AOAH: variants seen among roughly 807,000 people sequenced by gnomAD.
AOAH encodes the protein acyloxyacyl hydrolase (neutrophil).
In AOAH, 64 loss-of-function variants were observed where a neutral mutation model predicts 92.2. That is an observed-to-expected ratio of 0.69 (90% CI 0.57 to 0.86). The LOEUF is 0.86. AOAH is among the 40% of genes least tolerant of loss of function. The pLI is 0.00. For synonymous variants in AOAH, 263 were observed against 254.5 expected (o/e 1.03, Z -0.32); for missense variants, 656 against 694.6 (o/e 0.94, Z 0.62).
intron 3 of AOAH, among the ~76,000 whole-genome samples, chr7:36,662,386 G>A (rs1443984851): frequency 6.6e-6 from 1 of 152,246 alleles, no homozygotes; most frequent in African/African-American, 2.4e-5. Flanking sequence ...CAGGGGGTAA[G>A]ACTGCAACTA....
chr7:36,537,968 C>T (rs1401769624), intron 16 of AOAH, among the ~76,000 whole-genome samples: 1 of 151,068 alleles, frequency 6.6e-6, no homozygotes, highest in Admixed American at 6.6e-5. Context: ...CAGTCCTTTC[C>T]AAATTGCGTG....
chr7:36,667,406 C>T (rs1215213555), intron 3 of AOAH, among the ~76,000 whole-genome samples: 3 of 152,150 alleles, frequency 2.0e-5, no homozygotes, highest in African/African-American at 7.2e-5. Flanking sequence ...GTTCAAGTAA[C>T]CCTTATTTTA....
intron 13 of AOAH, among the ~76,000 whole-genome samples, chr7:36,573,932 C>T (rs1466529112): frequency 6.6e-6 from 1 of 151,996 alleles, no homozygotes; most frequent in Admixed American, 6.6e-5. Flanking sequence ...TCAGTGTAGC[C>T]CCATAAATAT....
intron 12 of AOAH, among the ~76,000 whole-genome samples, chr7:36,593,212 A>G (rs1001554079): frequency 5.3e-5 from 8 of 152,236 alleles, no homozygotes; most frequent in Non-Finnish European, 1.0e-4. Context: ...AGATGGGACA[A>G]GCCCTATCTA....
intron 12 of AOAH, among the ~76,000 whole-genome samples, chr7:36,592,583 C>T (rs1338409202): frequency 6.6e-6 from 1 of 152,186 alleles, no homozygotes; most frequent in East Asian, 1.9e-4. Flanking sequence ...GAGGCAAGAA[C>T]ATATCTTTGT....
At chr7:36,560,221 T>G (rs939172608) in intron 13 of AOAH, among the ~76,000 whole-genome samples, 2 of 152,256 alleles carry the variant, frequency 1.3e-5, no homozygotes, top group African/African-American at 2.4e-5. Flanking sequence ...TCAGGCTTTT[T>G]TTTGGTTCCA....
At chr7:36,571,810 CTTATTA>C (rs906800481) in intron 13 of AOAH, among the ~76,000 whole-genome samples, 1 of 152,100 alleles carries the variant, frequency 6.6e-6, no homozygotes, top group African/African-American at 2.4e-5. Context: ...AGCCACAGGC[CTTATTA>C]TTATTAACAT....
At chr7:36,628,865 C>T (rs1196676641) in intron 6 of AOAH, among the ~76,000 whole-genome samples, 1 of 152,216 alleles carries the variant, frequency 6.6e-6, no homozygotes, top group Non-Finnish European at 1.5e-5. Context: ...TTAAAACCTA[C>T]TTGTTCCTCT....
At chr7:36,647,896 T>C (rs1358045878) in intron 4 of AOAH, among the ~76,000 whole-genome samples, 1 of 151,856 alleles carries the variant, frequency 6.6e-6, no homozygotes, top group East Asian at 1.9e-4. Flanking sequence ...AGTGGCGTTA[T>C]CTTGGCTCAC....
At chr7:36,660,677 G>A (rs17403556) in intron 3 of AOAH, among the ~76,000 whole-genome samples, 21,533 of 152,098 alleles carry the variant, frequency 0.14, 1,873 homozygotes, top group Non-Finnish European at 0.19. Context: ...TGTTTCCCTG[G>A]GGATGGTATA....
intron 1 of AOAH, among the ~76,000 whole-genome samples, chr7:36,719,177 T>A (rs1302553602): frequency 6.6e-6 from 1 of 152,222 alleles, no homozygotes; most frequent in Non-Finnish European, 1.5e-5. Flanking sequence ...TTAGTACACA[T>A]AAATCTTTTG....
intron 3 of AOAH, among the ~76,000 whole-genome samples, chr7:36,670,770 C>G (rs926472862): frequency 6.6e-6 from 1 of 152,188 alleles, no homozygotes; most frequent in Non-Finnish European, 1.5e-5. Flanking sequence ...CCACCGCGCC[C>G]GGCCCGCTGG....
chr7:36,644,519 T>C (rs746977250), intron 4 of AOAH, among the ~76,000 whole-genome samples: 11 of 152,152 alleles, frequency 7.2e-5, no homozygotes, highest in Non-Finnish European at 1.2e-4. Flanking sequence ...TTGACTACAG[T>C]GGTAAACATA....
At chr7:36,697,575 A>G (rs952164562) in intron 1 of AOAH, among the ~76,000 whole-genome samples, 5 of 152,174 alleles carry the variant, frequency 3.3e-5, no homozygotes, top group Non-Finnish European at 5.9e-5. Context: ...CCTCTATTTT[A>G]TGAAAGAAAT....
chr7:36,604,035 T>G (rs189744229), intron 11 of AOAH, among the ~76,000 whole-genome samples: 2 of 152,156 alleles, frequency 1.3e-5, no homozygotes, highest in African/African-American at 4.8e-5. Flanking sequence ...CAAATTTGGG[T>G]CTGGTGAAGG....
chr7:36,533,230 C>T (rs1276091272), intron 16 of AOAH, among the ~76,000 whole-genome samples: 2 of 151,954 alleles, frequency 1.3e-5, no homozygotes, highest in Non-Finnish European at 2.9e-5. Flanking sequence ...TCCAGGTCTC[C>T]CCAAATCTCG....
At position 36,624,740 on chromosome 7, in the gene AOAH, C is replaced by T. The variant is rs141112648; in HGVS notation, c.522-1490G>A. 2.4e-3 allele frequency among the ~76,000 whole-genome samples: 366 copies of T among 152,292 alleles called. 1 individual carries two copies. Among genetic ancestry groups the T allele is most frequent in the African/African-American group, 7.4e-3 (308 of 41,578 alleles). ...GGGCCCTCCTGAGGGTCCCAGCACC[C>T]GTGGGTGACCCCTTATCCATGGCTC... On this transcript the variant is annotated intron_variant, in intron 6 of 20. Coordinates refer to ENST00000617537, the MANE Select transcript of AOAH (RefSeq NM_001637.4).
intron 1 of AOAH, among the ~76,000 whole-genome samples, chr7:36,716,515 C>T (rs1284437176): frequency 4.0e-5 from 6 of 149,368 alleles, no homozygotes; most frequent in African/African-American, 5.0e-5. Flanking sequence ...TATAAAGACA[C>T]ATGCACACGT....
chr7:36,649,170 G>A (rs1013385321), intron 4 of AOAH, among the ~76,000 whole-genome samples: 47 of 152,204 alleles, frequency 3.1e-4, no homozygotes, highest in African/African-American at 1.1e-3. Flanking sequence ...GCTGGCACCA[G>A]GATCTGTGCT....
Sources: gnomAD v4.1 joint callset for allele counts (sites outside exome capture counted in the v4.1 genomes callset) on GRCh38, gnomAD v4.1.1 for gene constraint, MANE v1.5 for transcripts, NCBI Gene and HGNC (gene_info 2026-07-23, HGNC 2026-07-21) for gene names.